The following FHIT variants were observed in gnomAD, a reference collection of about 807,000 sequenced individuals.
FHIT encodes bis(5'-adenosyl)-triphosphatase.
In FHIT, 19 loss-of-function variants were observed where a neutral mutation model predicts 17.9. The observed-to-expected ratio is 1.06, with a 90% CI of 0.74 to 1.56. The LOEUF is 1.56. Among genes scored for constraint, FHIT ranks in the 40% most tolerant of loss-of-function variants. The pLI, the probability that FHIT is intolerant of heterozygous loss-of-function variation, is 0.00. For synonymous variants in FHIT, 81 were observed against 69.7 expected (o/e 1.16, Z -0.81); for missense variants, 248 against 189.2 (o/e 1.31, Z -1.82).
intron 7 of FHIT, among the ~76,000 whole-genome samples, chr3:59,949,850 G>A (rs1430400777): frequency 6.6e-6 from 1 of 152,150 alleles, no homozygotes; most frequent in Admixed American, 6.6e-5. Context: ...AATTGCTGAT[G>A]GGGAACGCAG....
At chr3:60,788,678 A>G (rs1700667254) in intron 4 of FHIT, among the ~76,000 whole-genome samples, 1 of 152,134 alleles carries the variant, frequency 6.6e-6, no homozygotes, top group Non-Finnish European at 1.5e-5. Flanking sequence ...TTCACAGTAT[A>G]GCCTAAGTGA....
rs1303250067 is a variant in FHIT at position 59,976,014 on chromosome 3, G to C, written c.279+35357C>G. 2.6e-5 allele frequency among the ~76,000 whole-genome samples: 4 copies of C among 152,008 alleles called. No homozygotes were observed. The East Asian group carries it at 7.7e-4, about 29-fold the overall frequency. ...TAAGTTCTCTACTCTGAAGGACTTG[G>C]GTTCAGACACAACTCAATCACTTAT... On this transcript the variant is annotated intron_variant, in intron 7 of 9. Transcript: ENST00000492590.
chr3:60,711,963 C>A (rs1304736232), intron 4 of FHIT, among the ~76,000 whole-genome samples: 5 of 152,072 alleles, frequency 3.3e-5, no homozygotes, highest in African/African-American at 1.2e-4. Flanking sequence ...CTCCAAGACA[C>A]ATAATTGTCA....
intron 5 of FHIT, among the ~76,000 whole-genome samples, chr3:60,205,732 C>T (rs746339068): frequency 2.0e-5 from 3 of 151,988 alleles, no homozygotes; most frequent in Non-Finnish European, 4.4e-5. Context: ...TATATGAATA[C>T]GTATGTGTAT....
chr3:60,078,594 G>A (rs889544821), intron 5 of FHIT, among the ~76,000 whole-genome samples: 2 of 152,102 alleles, frequency 1.3e-5, no homozygotes, highest in African/African-American at 2.4e-5. Context: ...GACAATGGCA[G>A]CATTTCCATA....
chr3:60,163,475 C>T (rs936124636), intron 5 of FHIT, among the ~76,000 whole-genome samples: 2 of 152,118 alleles, frequency 1.3e-5, no homozygotes, highest in East Asian at 3.9e-4. Context: ...TTAACTGCCA[C>T]AGAAGCCTCC....
chr3:61,112,527 A>G (rs762325962), intron 2 of FHIT, among the ~76,000 whole-genome samples: 1 of 152,118 alleles, frequency 6.6e-6, no homozygotes, highest in African/African-American at 2.4e-5. Context: ...TGTCTTTTCA[A>G]TATTTTCTTT....
Position 60,536,972 on chromosome 3 carries a change from G to A in FHIT, c.-10C>T. 25 of 1,600,888 alleles carry A rather than the reference G, an allele frequency of 1.6e-5. No individual in the cohort carries two copies. The highest frequency in any genetic ancestry group is 2.1e-5 in the Non-Finnish European group (25 of 1,175,678). On this transcript the variant is annotated 5_prime_UTR_variant, in exon 5 of 10. Coordinates refer to ENST00000492590, the MANE Select transcript of FHIT (RefSeq NM_002012.4). ...CAAATCTGAACGACATGTCCTCACA[G>A]TTGAAGTCTAAAAGAAAAGACAATG...
In FHIT at chr3:61,156,443, C is replaced by T. The variant is rs544967425; in HGVS notation, c.-164+44174G>A. Among the ~76,000 whole-genome samples the T allele has an allele frequency of 7.9e-5, 12 of 152,196 alleles. No individual in the cohort carries two copies. The South Asian group carries it at 2.1e-3, about 26-fold the overall frequency. The stretch of plus-strand genomic sequence containing the variant: ...TGAACTTCCTCTTCATAACATTTAT[C>T]GAAACGGTCCCTAAATAATGTTGAA... On this transcript the variant is annotated intron_variant, in intron 2 of 9. Coordinates refer to ENST00000492590, the MANE Select transcript of FHIT (RefSeq NM_002012.4).
intron 4 of FHIT, among the ~76,000 whole-genome samples, chr3:60,807,204 T>C (rs1362590490): frequency 3.3e-5 from 5 of 152,170 alleles, no homozygotes; most frequent in Non-Finnish European, 5.9e-5. Flanking sequence ...TTTCTGTGGA[T>C]TTTCTTCCCC....
intron 4 of FHIT, among the ~76,000 whole-genome samples, chr3:60,738,737 T>C (rs1040215381): frequency 3.9e-5 from 6 of 152,184 alleles, no homozygotes; most frequent in Non-Finnish European, 1.5e-5. Flanking sequence ...GAATAAGACC[T>C]CTGAAGCAGA....
intron 7 of FHIT, among the ~76,000 whole-genome samples, chr3:60,006,183 A>G (rs1260001567): frequency 6.6e-6 from 1 of 152,198 alleles, no homozygotes; most frequent in East Asian, 1.9e-4. Context: ...TCGGACAGAG[A>G]GGGCCAGTAT....
At position 59,961,038 on chromosome 3, in the gene FHIT, G is replaced by C. The variant is rs3772463; in HGVS notation, c.280-38624C>G. On this transcript the variant is annotated intron_variant, in intron 7 of 9. Transcript: ENST00000492590. ...TTCGTGAAAGCCAAAATGTCCGAAAGTGGTTTGCGGATGAGGGGACTGAAT... is the reference window on the plus strand; with the variant it reads ...TTCGTGAAAGCCAAAATGTCCGAAACTGGTTTGCGGATGAGGGGACTGAAT... 7.9e-5 allele frequency among the ~76,000 whole-genome samples: 12 copies of C among 152,326 alleles called. No individual in the cohort carries two copies. In the East Asian group the frequency reaches 2.3e-3, roughly 29 times the overall value.
intron 7 of FHIT, among the ~76,000 whole-genome samples, chr3:59,940,144 T>C (rs1448745586): frequency 1.3e-5 from 2 of 152,108 alleles, no homozygotes; most frequent in African/African-American, 2.4e-5. Flanking sequence ...TCTCAGAGGG[T>C]TGCTGTGAGG....
At chr3:61,108,972 G>T (rs2036073867) in intron 2 of FHIT, among the ~76,000 whole-genome samples, 2 of 152,204 alleles carry the variant, frequency 1.3e-5, no homozygotes, top group Non-Finnish European at 2.9e-5. Context: ...CTAAATCTAT[G>T]TGCCATCATA....
At chr3:60,549,171 G>T (rs566387442) in intron 4 of FHIT, among the ~76,000 whole-genome samples, 5 of 151,986 alleles carry the variant, frequency 3.3e-5, no homozygotes, top group Admixed American at 6.6e-5. Context: ...AAGTTGCTTC[G>T]TATAATGCTT....
chr3:59,908,699 A>G (rs1050803578), intron 8 of FHIT, among the ~76,000 whole-genome samples: 2 of 152,070 alleles, frequency 1.3e-5, no homozygotes, highest in Admixed American at 1.3e-4. Flanking sequence ...AGAGATTATA[A>G]GCCAGAATAT....
At chr3:59,757,783 T>A (rs1389010811) in intron 8 of FHIT, among the ~76,000 whole-genome samples, 1 of 152,346 alleles carries the variant, frequency 6.6e-6, no homozygotes, top group South Asian at 2.1e-4. Flanking sequence ...CCATTTCTTA[T>A]GGGTTGACGG....
intron 3 of FHIT, among the ~76,000 whole-genome samples, chr3:60,882,421 C>A (rs1338397797): frequency 6.6e-6 from 1 of 151,624 alleles, no homozygotes; most frequent in Non-Finnish European, 1.5e-5. Flanking sequence ...AAGGACACAA[C>A]AAAAAAAGGC....
Sources: allele counts gnomAD v4.1 joint callset (sites outside exome capture counted in the v4.1 genomes callset), GRCh38; gene constraint gnomAD v4.1.1; transcripts MANE v1.5; gene names NCBI Gene and HGNC (gene_info 2026-07-23, HGNC 2026-07-21).